The following RABGAP1L variants were observed in gnomAD, a reference collection of about 807,000 sequenced individuals.
The protein encoded by RABGAP1L is rab GTPase-activating protein 1-like.
In RABGAP1L, 63 loss-of-function variants were observed where a neutral mutation model predicts 137.7. That is an observed-to-expected ratio of 0.46 (90% CI 0.37 to 0.56). The LOEUF (loss-of-function observed/expected upper bound fraction) is 0.56. Ranked by LOEUF, RABGAP1L falls within the 20% of genes least tolerant of loss-of-function variation. RABGAP1L has a pLI of 0.00. For missense variants in RABGAP1L, 1,095 were observed against 1,244.0 expected, an observed-to-expected ratio of 0.88 and a Z score of 1.80; for synonymous variants, 431 against 433.7, an observed-to-expected ratio of 0.99 and a Z score of 0.08.
At chr1:174,313,796 T>A (rs1044561614) in intron 11 of RABGAP1L, among the ~76,000 whole-genome samples, 11 of 152,204 alleles carry the variant, frequency 7.2e-5, no homozygotes, top group African/African-American at 2.7e-4. Flanking sequence ...TTCATTCTGT[T>A]GATACGATGT....
chr1:174,811,724 G>T (rs1259803862), intron 18 of RABGAP1L, 108 bp from the exon 19 acceptor site: 1 of 1,143,826 alleles, frequency 8.7e-7, no homozygotes, highest in Non-Finnish European at 1.2e-6. Context: ...AACTAACTTA[G>T]ATCTTAGCTA....
intron 13 of RABGAP1L, among the ~76,000 whole-genome samples, chr1:174,615,294 G>T (rs1303642143): frequency 6.6e-6 from 1 of 152,188 alleles, no homozygotes; most frequent in East Asian, 1.9e-4. Context: ...CCTTCTAACA[G>T]ACAGGACCCT....
intron 13 of RABGAP1L, among the ~76,000 whole-genome samples, chr1:174,600,171 T>C (rs976916256): frequency 2.6e-5 from 4 of 152,158 alleles, no homozygotes; most frequent in Admixed American, 6.5e-5. Flanking sequence ...TGAGACTTAT[T>C]CACTATACAA....
At position 174,550,999 on chromosome 1, in the gene RABGAP1L, C is replaced by CATATACATATATATATATATAT. The variant is rs1666476787; in HGVS notation, c.1711-86371_1711-86370insCATATATATATATATATATATA. 1.5e-4 allele frequency among the ~76,000 whole-genome samples: 13 copies of CATATACATATATATATATATAT among 86,348 alleles called. 1 individual carries two copies. The highest frequency in any genetic ancestry group is 1.1e-3 in the African/African-American group (13 of 12,060). The allele number at this position is 86,348 out of a possible 152,430, so 56.6% of individuals were successfully genotyped here. On this transcript the variant is annotated intron_variant, in intron 13 of 25. Transcript: ENST00000681986. ...GTATATATACATATATATATATACA[C>CATATACATATATATATATATAT]ATATATATATATATATATATATACA...
intron 11 of RABGAP1L, among the ~76,000 whole-genome samples, chr1:174,331,664 CTT>C (rs149765728): frequency 3.9e-5 from 6 of 151,912 alleles, no homozygotes; most frequent in African/African-American, 1.5e-4. Flanking sequence ...GAAGAACTCT[CTT>C]TTTTTTCTTT....
At chr1:174,329,731 G>A (rs77654072) in intron 11 of RABGAP1L, among the ~76,000 whole-genome samples, 9,552 of 152,084 alleles carry the variant, frequency 0.063, 977 homozygotes, top group African/African-American at 0.21. Context: ...AAAACTATGT[G>A]GTCATTTCAA....
intron 18 of RABGAP1L, among the ~76,000 whole-genome samples, chr1:174,764,371 A>G (rs1685493086): frequency 1.3e-5 from 2 of 152,180 alleles, no homozygotes; most frequent in Admixed American, 1.3e-4. Flanking sequence ...TTAACTTTTT[A>G]AGGAGCTGCC....
chr1:174,288,312 A>G (rs761565830), intron 10 of RABGAP1L, among the ~76,000 whole-genome samples: 5 of 152,216 alleles, frequency 3.3e-5, no homozygotes, highest in Non-Finnish European at 7.3e-5. Flanking sequence ...AGTTTTATAC[A>G]TTTATATGTT....
At chr1:174,601,981 A>C (rs1438862074) in intron 13 of RABGAP1L, among the ~76,000 whole-genome samples, 6 of 152,144 alleles carry the variant, frequency 3.9e-5, no homozygotes, top group African/African-American at 1.4e-4. Flanking sequence ...TATTGTCCAT[A>C]TCACTCTCAG....
In RABGAP1L at chr1:174,220,967, T is replaced by C; in HGVS notation, c.139-5T>C. ...TGAAACAGAATTGTCTTGCTGTGTC[T>C]GTAGATAGTTTCTAATGGTGATGAA... On this transcript the variant is annotated splice_region_variant and splice_polypyrimidine_tract_variant and intron_variant, in intron 2 of 25. Transcript: ENST00000681986. The C allele has an allele frequency of 6.2e-7, 1 of 1,601,698 alleles. No homozygotes were observed. Among genetic ancestry groups the C allele is most frequent in the Non-Finnish European group, 8.5e-7 (1 of 1,173,730 alleles).
chr1:174,189,371 T>C (rs1419986483), intron 1 of RABGAP1L, among the ~76,000 whole-genome samples: 1 of 152,250 alleles, frequency 6.6e-6, no homozygotes, highest in Non-Finnish European at 1.5e-5. Context: ...TGAAGCCACA[T>C]TTATCAATTA....
At chr1:174,267,113 C>T (rs781523256) in intron 7 of RABGAP1L, among the ~76,000 whole-genome samples, 32 of 152,098 alleles carry the variant, frequency 2.1e-4, no homozygotes, top group Non-Finnish European at 4.0e-4. Flanking sequence ...ACAAAAATTC[C>T]AATCAGTTTT....
chr1:174,567,557 T>G (rs903345451), intron 13 of RABGAP1L, among the ~76,000 whole-genome samples: 1 of 152,188 alleles, frequency 6.6e-6, no homozygotes, highest in Non-Finnish European at 1.5e-5. Flanking sequence ...GTAATATGGC[T>G]TAGCAGTTTT....
At chr1:174,422,968 T>A (rs12060493) in intron 13 of RABGAP1L, among the ~76,000 whole-genome samples, 3,276 of 130,872 alleles carry the variant, frequency 0.025, 112 homozygotes, top group African/African-American at 0.12. Flanking sequence ...AAAAAAAAAA[T>A]TTTTTTTGAA....
At chr1:174,356,146 C>A (rs1168143619) in intron 11 of RABGAP1L, among the ~76,000 whole-genome samples, 1 of 152,068 alleles carries the variant, frequency 6.6e-6, no homozygotes, top group East Asian at 1.9e-4. Flanking sequence ...TCTAGTTAGA[C>A]AAGTATCATT....
At chr1:174,424,837 T>C (rs1651771389) in intron 13 of RABGAP1L, among the ~76,000 whole-genome samples, 1 of 152,046 alleles carries the variant, frequency 6.6e-6, no homozygotes, top group Non-Finnish European at 1.5e-5. Flanking sequence ...ATTAACACTT[T>C]ATTGGAATTA....
chr1:174,267,702 A>C lies in RABGAP1L; in HGVS notation c.987-4712A>C, dbSNP rs554707188. Among the ~76,000 whole-genome samples the C allele has an allele frequency of 1.1e-4, 17 of 152,348 alleles. No individual in the cohort carries two copies. In the South Asian group the frequency reaches 1.4e-3, roughly 13 times the overall value. On this transcript the variant is annotated intron_variant, in intron 7 of 25. Coordinates refer to ENST00000681986, the MANE Select transcript of RABGAP1L (RefSeq NM_001366446.1). ...AGCACTGTTCAATATATTCTTGATA[A>C]GTTTTTTTAAATAATTAAAATACTT...
intron 18 of RABGAP1L, among the ~76,000 whole-genome samples, chr1:174,771,402 A>G (rs942539340): frequency 2.0e-5 from 3 of 152,172 alleles, no homozygotes; most frequent in Non-Finnish European, 2.9e-5. Flanking sequence ...TAATGAGTAG[A>G]TAAGAATCTT....
At chr1:174,622,087 A>G (rs954204802) in intron 13 of RABGAP1L, among the ~76,000 whole-genome samples, 1 of 152,244 alleles carries the variant, frequency 6.6e-6, no homozygotes, top group African/African-American at 2.4e-5. Flanking sequence ...TATGCAGCCA[A>G]GAGACACATG....
Sources: gnomAD v4.1 joint callset for allele counts (sites outside exome capture counted in the v4.1 genomes callset) on GRCh38, gnomAD v4.1.1 for gene constraint, MANE v1.5 for transcripts, NCBI Gene and HGNC (gene_info 2026-07-23, HGNC 2026-07-21) for gene names.